GPC5: variants seen among roughly 807,000 people sequenced by gnomAD.
The protein encoded by GPC5 is glypican-5.
In GPC5, 47 loss-of-function variants were observed where a neutral mutation model predicts 53.9. The observed-to-expected ratio is 0.87, with a 90% CI of 0.69 to 1.11. The LOEUF is 1.11. Among genes scored for constraint, GPC5 ranks in the 50% most tolerant of loss-of-function variants. The probability of loss-of-function intolerance (pLI) is 0.00; values close to 1 mark genes in which losing one functional copy is unlikely to be tolerated. For synonymous variants in GPC5, 286 were observed against 263.3 expected (o/e 1.09, Z -0.84); for missense variants, 748 against 713.1 (o/e 1.05, Z -0.56).
At chr13:92,195,250 G>GC (rs1566479343) in intron 7 of GPC5, among the ~76,000 whole-genome samples, 2 of 152,254 alleles carry the variant, frequency 1.3e-5, no homozygotes, top group Admixed American at 6.5e-5. Context: ...TTAATTCAGT[G>GC]ATACATATGT....
intron 6 of GPC5, among the ~76,000 whole-genome samples, chr13:92,100,632 T>C (rs2041458866): frequency 6.6e-6 from 1 of 152,212 alleles, no homozygotes; most frequent in Admixed American, 6.5e-5. Flanking sequence ...CTGGGTGACA[T>C]GTATTTTTGG....
chr13:92,486,145 T>C (rs974029162), intron 7 of GPC5, among the ~76,000 whole-genome samples: 1 of 152,166 alleles, frequency 6.6e-6, no homozygotes, highest in African/African-American at 2.4e-5. Flanking sequence ...AGCTTCAATG[T>C]CTTTTTTACA....
intron 7 of GPC5, among the ~76,000 whole-genome samples, chr13:92,625,338 T>A (rs766286916): frequency 1.3e-5 from 2 of 152,222 alleles, no homozygotes; most frequent in Non-Finnish European, 2.9e-5. Context: ...GATATATGAC[T>A]ATTTTGGTCA....
intron 7 of GPC5, among the ~76,000 whole-genome samples, chr13:92,619,389 A>G (rs1318264136): frequency 6.6e-6 from 1 of 151,948 alleles, no homozygotes; most frequent in East Asian, 1.9e-4. Context: ...TTAAAGTAAC[A>G]TTTGTTGTAT....
chr13:92,273,902 G>C (rs565279852), intron 7 of GPC5, among the ~76,000 whole-genome samples: 2 of 152,054 alleles, frequency 1.3e-5, no homozygotes, highest in African/African-American at 2.4e-5. Flanking sequence ...TAACCAAAAC[G>C]ATTCCTGTGT....
intron 7 of GPC5, among the ~76,000 whole-genome samples, chr13:92,432,263 A>G (rs536563287): frequency 1.3e-5 from 2 of 152,280 alleles, no homozygotes; most frequent in South Asian, 4.1e-4. Context: ...CTGTGAGAAA[A>G]TAAAGCTCTT....
chr13:92,582,982 C>A (rs1251055074), intron 7 of GPC5, among the ~76,000 whole-genome samples: 1 of 152,088 alleles, frequency 6.6e-6, no homozygotes, highest in Non-Finnish European at 1.5e-5. Flanking sequence ...CCTTTTATTT[C>A]TTTCTCTTAC....
At chr13:92,803,790 G>A (rs1188211117) in intron 7 of GPC5, among the ~76,000 whole-genome samples, 1 of 151,866 alleles carries the variant, frequency 6.6e-6, no homozygotes, top group African/African-American at 2.4e-5. Flanking sequence ...CGGATGTTGG[G>A]TATTATATGG....
At chr13:92,537,192 T>G (rs1881753125) in intron 7 of GPC5, among the ~76,000 whole-genome samples, 1 of 152,174 alleles carries the variant, frequency 6.6e-6, no homozygotes, top group Admixed American at 6.6e-5. Context: ...ATTTCAAAGT[T>G]AAAAATTAAA....
intron 7 of GPC5, among the ~76,000 whole-genome samples, chr13:92,382,802 A>G (rs926485818): frequency 2.0e-5 from 3 of 151,824 alleles, no homozygotes; most frequent in Non-Finnish European, 2.9e-5. Context: ...CGAGGTCAGG[A>G]GATCAAGACC....
chr13:92,199,076 C>CA (rs2042276670), intron 7 of GPC5, among the ~76,000 whole-genome samples: 1 of 152,214 alleles, frequency 6.6e-6, no homozygotes, highest in African/African-American at 2.4e-5. Flanking sequence ...ATCAATGCTA[C>CA]ATCAAAGGAA....
chr13:91,775,283 A>G (rs1253284151), intron 5 of GPC5, among the ~76,000 whole-genome samples: 1 of 152,182 alleles, frequency 6.6e-6, no homozygotes, highest in Non-Finnish European at 1.5e-5. Flanking sequence ...GATATTTGTG[A>G]TAATTGCAGT....
intron 7 of GPC5, among the ~76,000 whole-genome samples, chr13:92,719,634 T>C (rs538228679): frequency 1.7e-4 from 26 of 152,272 alleles, no homozygotes; most frequent in Admixed American, 1.3e-3. Context: ...AACAAGTATA[T>C]AGAGAGTAAG....
chr13:91,723,572 T>A (rs974124291), intron 3 of GPC5, among the ~76,000 whole-genome samples: 2 of 152,118 alleles, frequency 1.3e-5, no homozygotes, highest in African/African-American at 4.8e-5. Flanking sequence ...ATTACTAGGT[T>A]TAAAACCACC....
chr13:92,626,096 G>C (rs1885036320), intron 7 of GPC5, among the ~76,000 whole-genome samples: 1 of 152,082 alleles, frequency 6.6e-6, no homozygotes, highest in Non-Finnish European at 1.5e-5. Flanking sequence ...ATTTTGAATT[G>C]TATTTTACAA....
At chr13:92,257,083 A>G (rs1287779962) in intron 7 of GPC5, among the ~76,000 whole-genome samples, 1 of 152,144 alleles carries the variant, frequency 6.6e-6, no homozygotes, top group African/African-American at 2.4e-5. Context: ...TACTTTACCA[A>G]TAAAATAAAA....
chr13:92,287,337 T>TAA (rs2042963042), intron 7 of GPC5, among the ~76,000 whole-genome samples: 2 of 152,168 alleles, frequency 1.3e-5, no homozygotes, highest in African/African-American at 4.8e-5. Flanking sequence ...ATTTTGTGGT[T>TAA]GTTCTGTGGC....
intron 6 of GPC5, among the ~76,000 whole-genome samples, chr13:92,005,446 C>A (rs1244930396): frequency 6.6e-6 from 1 of 152,122 alleles, no homozygotes; most frequent in African/African-American, 2.4e-5. Flanking sequence ...AGCTTCAGGT[C>A]CTCACACCAA....
In GPC5 at chr13:92,128,037, G is replaced by C. The variant is rs2041713677; in HGVS notation, c.1402-16793G>C. Among the ~76,000 whole-genome samples, 3 of 152,074 alleles carry C rather than the reference G, an allele frequency of 2.0e-5. No individual in the cohort carries two copies. The South Asian group carries it at 6.2e-4, about 32-fold the overall frequency. Reference sequence around the variant, plus strand: ...TGGCATCTTTACTCTCCAGGTGAAGGGATGTTTCTGAGATCAATCTTCCTC... The same window carrying C: ...TGGCATCTTTACTCTCCAGGTGAAGCGATGTTTCTGAGATCAATCTTCCTC... On this transcript the variant is annotated intron_variant, in intron 6 of 7. Coordinates refer to ENST00000377067, the MANE Select transcript of GPC5 (RefSeq NM_004466.6).
Sources: gnomAD v4.1 joint callset for allele counts (sites outside exome capture counted in the v4.1 genomes callset) on GRCh38, gnomAD v4.1.1 for gene constraint, MANE v1.5 for transcripts, NCBI Gene and HGNC (gene_info 2026-07-23, HGNC 2026-07-21) for gene names.